The following RHOT1 variants were observed in gnomAD, a reference collection of about 807,000 sequenced individuals.
The protein encoded by RHOT1 is mitochondrial Rho GTPase 1.
In RHOT1, 27 loss-of-function variants were observed where a neutral mutation model predicts 95.3. The observed-to-expected ratio is 0.28, with a 90% confidence interval of 0.21 to 0.39. The LOEUF (loss-of-function observed/expected upper bound fraction) is 0.39. RHOT1 is among the 10% of genes least tolerant of loss of function. RHOT1 has a pLI of 1.00. For synonymous variants in RHOT1, 227 were observed against 263.5 expected (o/e 0.86, Z 1.34); for missense variants, 578 against 786.7 (o/e 0.73, Z 3.17).
At chr17:32,204,935 A>AT (rs2037598142) in intron 16 of RHOT1, among the ~76,000 whole-genome samples, 1 of 151,380 alleles carries the variant, frequency 6.6e-6, no homozygotes, top group Middle Eastern at 3.5e-3. Context: ...GTGAGCCAAG[A>AT]TTGTGCCACT....
At chr17:32,186,477 C>G (rs2036061441) in intron 8 of RHOT1, among the ~76,000 whole-genome samples, 1 of 151,808 alleles carries the variant, frequency 6.6e-6, no homozygotes, top group African/African-American at 2.4e-5. Context: ...CATTCTCCTG[C>G]TTCAGCCTCC....
At chr17:32,221,166 G>A (rs902709016) in intron 19 of RHOT1, 5 of 343,326 alleles carry the variant, frequency 1.5e-5, no homozygotes, top group Admixed American at 1.3e-4. Context: ...TCAGGAGATC[G>A]AGACCATCGT....
chr17:32,176,542 T>TTTTA (rs368484694), intron 6 of RHOT1, among the ~76,000 whole-genome samples: 13,830 of 140,522 alleles, frequency 0.098, 746 homozygotes, highest in African/African-American at 0.13. Flanking sequence ...AAAGTCTCAG[T>TTTTA]TTTATTTATT....
At chr17:32,193,397 G>A (rs2036640835) in intron 10 of RHOT1, among the ~76,000 whole-genome samples, 153 bp downstream of exon 10, 1 of 152,012 alleles carries the variant, frequency 6.6e-6, no homozygotes, top group South Asian at 2.1e-4. Context: ...GAGTTGGGAG[G>A]GACAGGCCAT....
chr17:32,223,417 C>CTT (rs35956904), intron 19 of RHOT1, among the ~76,000 whole-genome samples: 29 of 139,368 alleles, frequency 2.1e-4, no homozygotes, highest in African/African-American at 6.3e-4. Context: ...TCTTTTCTTT[C>CTT]TTTTTTTTTT....
chr17:32,142,781 G>C (rs2030556299), intron 1 of RHOT1, 52 bp downstream of exon 1: 1 of 1,445,680 alleles, frequency 6.9e-7, no homozygotes, highest in South Asian at 1.4e-5. Context: ...CCCTGCCCCT[G>C]CAGCCCCTGT....
intron 11 of RHOT1, among the ~76,000 whole-genome samples, chr17:32,196,908 G>A (rs1420794058): frequency 1.3e-5 from 2 of 152,062 alleles, no homozygotes; most frequent in African/African-American, 4.8e-5. Flanking sequence ...TGAATCACGA[G>A]GTCAGGAGTT....
intron 1 of RHOT1, among the ~76,000 whole-genome samples, chr17:32,168,578 T>C (rs2142505126): frequency 6.6e-6 from 1 of 150,656 alleles, no homozygotes; most frequent in African/African-American, 2.4e-5. Context: ...CAGACATATA[T>C]ATATACACAC....
chr17:32,157,578 G>A (rs1459054082), intron 1 of RHOT1, among the ~76,000 whole-genome samples: 4 of 152,100 alleles, frequency 2.6e-5, no homozygotes, highest in South Asian at 4.2e-4. Flanking sequence ...AGGTCGAGGC[G>A]GGTGCATCAT....
chr17:32,183,247 C>G lies in RHOT1; in HGVS notation c.515C>G (p.Pro172Arg). 4 of 1,508,110 alleles carry G rather than the reference C, an allele frequency of 2.7e-6. No individual in the cohort carries two copies. The highest frequency in any genetic ancestry group is 3.6e-6 in the Non-Finnish European group (4 of 1,124,878). 93.4% of individuals were successfully genotyped at this position (1,508,110 alleles called of 1,614,324 possible). A position where few individuals can be genotyped will look rare whatever the true frequency, so the allele number is the denominator to read the frequency against. ...AAAGCTGTTCTTCATCCTACAGGGC[C>G]CCTGTACTGCCCAGAGGAGAAGGAG... ...AQKAVLHPTG[P>R]LYCPEEKEMK... The change falls in exon 8 of 20, where the codon CCC becomes CGC. Residue 172 changes from proline to arginine, a missense_variant. Around this residue, in one of 4 missense-constraint regions of RHOT1, gnomAD observed 227 missense variants for 316.0 expected, o/e 0.72. Transcript: ENST00000545287.
intron 2 of RHOT1, chr17:32,173,002 A>G (rs2034700803): frequency 6.6e-6 from 1 of 152,234 alleles, no homozygotes; most frequent in Admixed American, 6.5e-5. Flanking sequence ...AATAGAATGA[A>G]AACAACATAT....
intron 11 of RHOT1, among the ~76,000 whole-genome samples, chr17:32,196,049 T>C (rs1399284946): frequency 6.6e-6 from 1 of 152,190 alleles, no homozygotes; most frequent in Non-Finnish European, 1.5e-5. Context: ...CTGGAGCTAC[T>C]ACACGAATAT....
chr17:32,163,501 G>A (rs1333306449), intron 1 of RHOT1, among the ~76,000 whole-genome samples: 2 of 152,156 alleles, frequency 1.3e-5, no homozygotes, highest in Admixed American at 6.5e-5. Context: ...GGGAGGCCAA[G>A]GTGGGCAGAT....
At chr17:32,170,611 T>C (rs1397419584) in intron 1 of RHOT1, among the ~76,000 whole-genome samples, 2 of 152,194 alleles carry the variant, frequency 1.3e-5, no homozygotes, top group African/African-American at 4.8e-5. Flanking sequence ...CAACAAAAAC[T>C]ATGTACCCAT....
chr17:32,169,690 A>G (rs534777372), intron 1 of RHOT1, among the ~76,000 whole-genome samples: 1 of 152,174 alleles, frequency 6.6e-6, no homozygotes. Context: ...TAGAAATACT[A>G]ATTGTTGCAT....
intron 15 of RHOT1, among the ~76,000 whole-genome samples, 188 bp downstream of exon 15, chr17:32,203,088 T>G (rs528123988): frequency 6.6e-6 from 1 of 152,236 alleles, no homozygotes; most frequent in East Asian, 1.9e-4. Context: ...TTAGCTATCA[T>G]TTGTCTTTTT....
At chr17:32,210,356 G>A (rs2038043746) in intron 18 of RHOT1, among the ~76,000 whole-genome samples, 2 of 152,154 alleles carry the variant, frequency 1.3e-5, no homozygotes, top group Admixed American at 6.5e-5. Flanking sequence ...GCACCAACTA[G>A]TGCAACTCTC....
chr17:32,151,350 T>C, intron 1 of RHOT1: 2 of 615,932 alleles, frequency 3.2e-6, no homozygotes, highest in Non-Finnish European at 6.2e-6. Flanking sequence ...AGGTTGAGGC[T>C]GCAGTGAGCC....
chr17:32,188,277 T>C (rs1025680795), intron 8 of RHOT1, among the ~76,000 whole-genome samples: 1 of 152,246 alleles, frequency 6.6e-6, no homozygotes, highest in African/African-American at 2.4e-5. Flanking sequence ...CAGCATCATC[T>C]TTTTAGACCT....
Sources: allele counts gnomAD v4.1 joint callset (sites outside exome capture counted in the v4.1 genomes callset), GRCh38; gene constraint gnomAD v4.1.1; regional missense constraint gnomAD v4.1.1; transcripts MANE v1.5; gene names NCBI Gene and HGNC (gene_info 2026-07-23, HGNC 2026-07-21).